The following PRMT8 variants were observed in gnomAD, a reference collection of about 807,000 sequenced individuals.
PRMT8 encodes the protein protein arginine methyltransferase 8.
A neutral mutation model predicts 47.1 loss-of-function variants in PRMT8; 7 were observed. That is an observed-to-expected ratio of 0.15 (90% CI 0.08 to 0.28). The LOEUF (loss-of-function observed/expected upper bound fraction) is 0.28. Ranked by LOEUF, PRMT8 falls within the 10% of genes least tolerant of loss-of-function variation. PRMT8 has a pLI of 1.00. For missense variants in PRMT8, 237 were observed against 505.4 expected, an observed-to-expected ratio of 0.47 and a Z score of 5.09; for synonymous variants, 188 against 186.5, an observed-to-expected ratio of 1.01 and a Z score of -0.07.
intron 1 of PRMT8, among the ~76,000 whole-genome samples, chr12:3,480,448 T>G (rs1456849430): frequency 1.3e-5 from 2 of 152,148 alleles, no homozygotes; most frequent in African/African-American, 2.4e-5. Context: ...CAAATTCAAC[T>G]TGTCCAAACT....
chr12:3,422,884 C>A (rs1334508497), intron 1 of PRMT8, among the ~76,000 whole-genome samples: 6 of 152,186 alleles, frequency 3.9e-5, no homozygotes, highest in Non-Finnish European at 8.8e-5. Context: ...TGGGAGTTTT[C>A]ACTTTTATCA....
chr12:3,581,805 C>A (rs1240482912), intron 7 of PRMT8, among the ~76,000 whole-genome samples: 3 of 152,234 alleles, frequency 2.0e-5, no homozygotes, highest in African/African-American at 7.2e-5. Context: ...ACTCTGATCT[C>A]ATTGGTTCCC....
chr12:3,447,884 G>A (rs1019000882), intron 1 of PRMT8, among the ~76,000 whole-genome samples: 1 of 152,278 alleles, frequency 6.6e-6, no homozygotes, highest in Admixed American at 6.5e-5. Context: ...CACCTGCCAT[G>A]CTTCTGATTT....
chr12:3,536,109 T>C (rs1426182801), intron 1 of PRMT8, among the ~76,000 whole-genome samples: 1 of 152,180 alleles, frequency 6.6e-6, no homozygotes, highest in Non-Finnish European at 1.5e-5. Context: ...TACCCATATG[T>C]CTCTTGTTTC....
chr12:3,582,517 G>A (rs564502374), intron 7 of PRMT8, among the ~76,000 whole-genome samples: 14 of 152,234 alleles, frequency 9.2e-5, no homozygotes, highest in South Asian at 4.1e-4. Flanking sequence ...GGGAACTTGC[G>A]TATCAAAAAA....
rs1451737401 is a variant in PRMT8 at position 3,552,660 on chromosome 12, C to T, written c.418-991C>T. ...CTGCACCCTGGCTGGAGTCGGCCTCCTTGGATGCAGCTCTAACCAAGTGAC... is the reference window on the plus strand; with the variant it reads ...CTGCACCCTGGCTGGAGTCGGCCTCTTTGGATGCAGCTCTAACCAAGTGAC... On this transcript the variant is annotated intron_variant, in intron 3 of 9. Coordinates refer to ENST00000382622, the MANE Select transcript of PRMT8 (RefSeq NM_019854.5). The surrounding 1 kb of genome is among the most constrained non-coding windows in gnomAD (Gnocchi z 4.5). 2.2e-6 allele frequency: 1 copy of T among 450,150 alleles called. No individual in the cohort carries two copies. Among genetic ancestry groups the T allele is most frequent in the African/African-American group, 2.0e-5 (1 of 50,056 alleles). The allele number at this position is 450,150 out of a possible 1,614,324, so 27.9% of individuals were successfully genotyped here.
upstream of PRMT8, among the ~76,000 whole-genome samples, chr12:3,486,622 A>G (rs562017385): frequency 1.3e-5 from 2 of 152,350 alleles, no homozygotes; most frequent in East Asian, 1.9e-4. Flanking sequence ...GGAGTAGAGT[A>G]TACAACGTCC....
At chr12:3,393,207 CTTTAG>C (rs1465059013) in intron 1 of PRMT8, among the ~76,000 whole-genome samples, 12 of 152,160 alleles carry the variant, frequency 7.9e-5, no homozygotes, top group Admixed American at 1.3e-4. Context: ...TGCAGAAGCT[CTTTAG>C]TTTAATTAGA....
intron 1 of PRMT8, among the ~76,000 whole-genome samples, chr12:3,419,020 G>A (rs1486183279): frequency 2.0e-5 from 3 of 152,230 alleles, no homozygotes; most frequent in Non-Finnish European, 2.9e-5. Context: ...TTTTAAAGCC[G>A]TTGGGTTGCC....
chr12:3,388,063 C>CCCTT (rs1864158926), intron 1 of PRMT8, among the ~76,000 whole-genome samples: 1 of 26,378 alleles, frequency 3.8e-5, no homozygotes, highest in Admixed American at 5.1e-4. Flanking sequence ...CTCCCTCCCT[C>CCCTT]CCTCCCTGTC....
rs34250006 is a variant in PRMT8, at chr12:3,423,049, TA to T, written c.48+41608del. ...AGCAGTAAGCAGTTCTTATTACTAT[TA>T]TAACTTCTATTACAAGAGTTTTAAA... On this transcript the variant is annotated intron_variant, in intron 1 of 9. Coordinates refer to the PRMT8 transcript ENST00000452611. Among the ~76,000 whole-genome samples, 284 of 152,346 alleles carry T rather than the reference TA, an allele frequency of 1.9e-3. 1 individual carries two copies. The highest frequency in any genetic ancestry group is 6.6e-3 in the African/African-American group (274 of 41,582).
intron 1 of PRMT8, among the ~76,000 whole-genome samples, chr12:3,524,825 C>T (rs1236062043): frequency 6.6e-6 from 1 of 152,138 alleles, no homozygotes. Context: ...CCCAATCTTG[C>T]AAAACCATCA....
At chr12:3,554,696 T>C (rs1866493368) in intron 4 of PRMT8, among the ~76,000 whole-genome samples, 1 of 152,066 alleles carries the variant, frequency 6.6e-6, no homozygotes, top group African/African-American at 2.4e-5. Flanking sequence ...AGAGGCCAGG[T>C]TGGGAAGGAA....
chr12:3,527,883 T>C (rs1341738490), intron 1 of PRMT8, among the ~76,000 whole-genome samples: 3 of 152,154 alleles, frequency 2.0e-5, no homozygotes, highest in Non-Finnish European at 2.9e-5. Flanking sequence ...TACTTTACCG[T>C]CATTTCTGAA....
chr12:3,526,560 A>G (rs1253420888), intron 1 of PRMT8, among the ~76,000 whole-genome samples: 4 of 152,128 alleles, frequency 2.6e-5, no homozygotes, highest in Admixed American at 2.6e-4. Flanking sequence ...ATATTAGCCA[A>G]CTTCTGGGTG....
intron 1 of PRMT8, among the ~76,000 whole-genome samples, chr12:3,454,361 G>A (rs1313840394): frequency 6.6e-6 from 1 of 152,166 alleles, no homozygotes; most frequent in Non-Finnish European, 1.5e-5. Context: ...AAGAGGGCAG[G>A]CAGCCACCTG....
intron 1 of PRMT8, among the ~76,000 whole-genome samples, chr12:3,439,264 A>T (rs1864774273): frequency 6.6e-6 from 1 of 152,104 alleles, no homozygotes; most frequent in African/African-American, 2.4e-5. Context: ...TCTTGAATTC[A>T]TTGGCTCCCT....
At chr12:3,578,272 A>G (rs977548554) in intron 7 of PRMT8, among the ~76,000 whole-genome samples, 4 of 152,046 alleles carry the variant, frequency 2.6e-5, no homozygotes, top group African/African-American at 9.7e-5. Flanking sequence ...TCTGTCACCC[A>G]GGTTGAAGTG....
intron 1 of PRMT8, among the ~76,000 whole-genome samples, chr12:3,484,974 C>T (rs1198751199): frequency 6.6e-6 from 1 of 152,122 alleles, no homozygotes; most frequent in Admixed American, 6.5e-5. Flanking sequence ...AGGCTGCTAT[C>T]AATCCAGGCT....
Sources: gnomAD v4.1 joint callset for allele counts (sites outside exome capture counted in the v4.1 genomes callset) on GRCh38, gnomAD v4.1.1 for gene constraint, Gnocchi (gnomAD v3.1) non-coding constraint, MANE v1.5 for transcripts, NCBI Gene and HGNC (gene_info 2026-07-23, HGNC 2026-07-21) for gene names.